GPD2: variants seen among roughly 807,000 people sequenced by gnomAD.
GPD2 encodes the protein glycerol-3-phosphate dehydrogenase 2.
Under a neutral mutation model 82.4 loss-of-function variants are expected in GPD2, and 54 were observed. That is an observed-to-expected ratio of 0.66 (90% CI 0.53 to 0.82). GPD2 has a LOEUF of 0.82. GPD2 is among the 40% of genes least tolerant of loss of function. GPD2 has a pLI of 0.00. For synonymous variants in GPD2, 288 were observed against 306.1 expected, an observed-to-expected ratio of 0.94 and a Z score of 0.62; for missense variants, 748 against 896.2, an observed-to-expected ratio of 0.83 and a Z score of 2.11.
upstream of GPD2, among the ~76,000 whole-genome samples, chr2:156,433,032 G>A (rs999919867): frequency 6.6e-6 from 1 of 152,140 alleles, no homozygotes; most frequent in East Asian, 1.9e-4. Flanking sequence ...CTCAGGAAAA[G>A]GTGGTTAGTG....
At chr2:156,515,350 G>A (rs1002039183) in intron 6 of GPD2, among the ~76,000 whole-genome samples, 7 of 151,258 alleles carry the variant, frequency 4.6e-5, no homozygotes, top group Middle Eastern at 3.4e-3. Flanking sequence ...TCCAGCCTGG[G>A]CAACAGCATG....
At chr2:156,523,572 C>G (rs562086390) in intron 6 of GPD2, among the ~76,000 whole-genome samples, 2 of 152,128 alleles carry the variant, frequency 1.3e-5, no homozygotes, top group Non-Finnish European at 2.9e-5. Flanking sequence ...CCCACTATAA[C>G]AAATGTTTTA....
At position 156,497,002 on chromosome 2, in the gene GPD2, C is replaced by T. The variant is rs376691053; in HGVS notation, c.274+787C>T. ...AGGCATGATGAAAATGGAAACGAGA[C>T]ATGTAATGAAAGAAATTTTAGTATA... On this transcript the variant is annotated intron_variant, in intron 3 of 16. Coordinates refer to ENST00000438166, the MANE Select transcript of GPD2 (RefSeq NM_000408.5). 4.6e-5 allele frequency among the ~76,000 whole-genome samples: 7 copies of T among 152,216 alleles called. No individual in the cohort carries two copies. In the South Asian group the frequency reaches 6.2e-4, roughly 14 times the overall value.
chr2:156,412,390 G>A, the GPD2 span, among the ~76,000 whole-genome samples: 2 of 149,862 alleles, frequency 1.3e-5, no homozygotes, highest in African/African-American at 4.9e-5. Flanking sequence ...AGTGAGCCGA[G>A]ATCTTGCCAC....
chr2:156,549,837 T>C (rs1686692213), intron 7 of GPD2, 65 bp downstream of exon 7: 5 of 1,145,480 alleles, frequency 4.4e-6, no homozygotes, highest in African/African-American at 1.5e-5. Context: ...AATGACTGAA[T>C]TATAATTTTT....
intron 2 of GPD2, among the ~76,000 whole-genome samples, chr2:156,489,698 TCCTTCCTTCCTTCCTTCCTTCCTTCCTC>T: frequency 9.4e-6 from 1 of 105,906 alleles, no homozygotes; most frequent in Non-Finnish European, 1.9e-5. Context: ...CTTCCTTCCT[TCCTTCCTTCCTTCCTTCCTTCCTTCCTC>T]CCTCCCTCCC....
chr2:156,578,195 G>A (rs181769724), intron 13 of GPD2, among the ~76,000 whole-genome samples: 1 of 152,282 alleles, frequency 6.6e-6, no homozygotes. Flanking sequence ...AAAACAGGAA[G>A]AGTAACTTGA....
chr2:156,497,527 AT>A (rs1260476270), intron 3 of GPD2, among the ~76,000 whole-genome samples: 7 of 152,210 alleles, frequency 4.6e-5, no homozygotes, highest in African/African-American at 1.7e-4. Flanking sequence ...GGAATGATTT[AT>A]TAGATGGAAT....
chr2:156,560,829 T>C (rs1687139559), intron 9 of GPD2, among the ~76,000 whole-genome samples: 1 of 152,152 alleles, frequency 6.6e-6, no homozygotes, highest in Non-Finnish European at 1.5e-5. Flanking sequence ...ATTCAGTTAT[T>C]CAATTACATG....
At chr2:156,505,931 T>G (rs1684771746) in intron 3 of GPD2, among the ~76,000 whole-genome samples, 1 of 152,198 alleles carries the variant, frequency 6.6e-6, no homozygotes, top group Non-Finnish European at 1.5e-5. Context: ...TTTTGAGAAT[T>G]GAAACAGAAA....
At chr2:156,426,855 A>G in the GPD2 span, among the ~76,000 whole-genome samples, 2 of 152,100 alleles carry the variant, frequency 1.3e-5, no homozygotes. Context: ...TAAATTTAAG[A>G]TTCTGTGGCA....
chr2:156,553,653 A>G (rs915786651), intron 8 of GPD2, among the ~76,000 whole-genome samples: 1 of 151,992 alleles, frequency 6.6e-6, no homozygotes, highest in Admixed American at 6.6e-5. Context: ...TCTTCTTCCA[A>G]TTCCTTCCTT....
intron 16 of GPD2, among the ~76,000 whole-genome samples, chr2:156,581,473 G>A (rs1688021622): frequency 6.6e-6 from 1 of 152,070 alleles, no homozygotes; most frequent in African/African-American, 2.4e-5. Flanking sequence ...TGGAATCAGA[G>A]ACAAAGCAAT....
chr2:156,401,063 T>G, the GPD2 span, among the ~76,000 whole-genome samples: 1 of 152,214 alleles, frequency 6.6e-6, no homozygotes, highest in African/African-American at 2.4e-5. Flanking sequence ...TTTATTTGCA[T>G]GAGTCCAGTG....
intron 6 of GPD2, among the ~76,000 whole-genome samples, chr2:156,545,319 C>T (rs528161500): frequency 3.5e-4 from 53 of 152,180 alleles, no homozygotes; most frequent in Non-Finnish European, 6.2e-4. Context: ...CACTGTGACA[C>T]TCTCAGTCTG....
At chr2:156,410,637 C>G in the GPD2 span, among the ~76,000 whole-genome samples, 1 of 152,136 alleles carries the variant, frequency 6.6e-6, no homozygotes, top group Non-Finnish European at 1.5e-5. Context: ...AAATAAGATA[C>G]CCTGATAGGA....
At chr2:156,419,018 G>C in the GPD2 span, among the ~76,000 whole-genome samples, 1 of 146,454 alleles carries the variant, frequency 6.8e-6, no homozygotes, top group Non-Finnish European at 1.5e-5. Flanking sequence ...ATGTCAACTT[G>C]CCATATTTCG....
intron 1 of GPD2, among the ~76,000 whole-genome samples, chr2:156,451,511 C>CG (rs372106037): frequency 4.7e-5 from 1 of 21,488 alleles, no homozygotes; most frequent in Admixed American, 6.4e-4. Flanking sequence ...GCTGGCCGAG[C>CG]GGGGGGGCTG....
intron 6 of GPD2, among the ~76,000 whole-genome samples, chr2:156,542,547 GATAA>G (rs1439301801): frequency 2.0e-5 from 3 of 152,144 alleles, no homozygotes; most frequent in African/African-American, 7.2e-5. Flanking sequence ...CTTAGCCCCT[GATAA>G]ATATACATAA....
Sources: allele counts gnomAD v4.1 joint callset (sites outside exome capture counted in the v4.1 genomes callset), GRCh38; gene constraint gnomAD v4.1.1; transcripts MANE v1.5; gene names NCBI Gene and HGNC (gene_info 2026-07-23, HGNC 2026-07-21).